The following RPSA2 variants were observed in gnomAD, a reference collection of about 807,000 sequenced individuals.
RPSA2 encodes the protein small ribosomal subunit protein uS2B.
the RPSA2 span, among the ~76,000 whole-genome samples, chr19:23,834,973 A>C: frequency 6.6e-6 from 1 of 152,110 alleles, no homozygotes; most frequent in Non-Finnish European, 1.5e-5. Context: ...CATATATGGC[A>C]TATTTTAATA....
the RPSA2 span, among the ~76,000 whole-genome samples, chr19:23,761,252 T>C: frequency 6.6e-6 from 1 of 151,960 alleles, no homozygotes; most frequent in East Asian, 1.9e-4. Context: ...GCCAATTTTC[T>C]AAATTTTTGT....
the RPSA2 span, among the ~76,000 whole-genome samples, chr19:23,785,818 C>G: frequency 1.3e-5 from 2 of 152,164 alleles, no homozygotes; most frequent in Non-Finnish European, 2.9e-5. Flanking sequence ...GAGGTGCTGT[C>G]TTTTATAGCT....
At chr19:23,861,469 G>A in the RPSA2 span, among the ~76,000 whole-genome samples, 1 of 152,062 alleles carries the variant, frequency 6.6e-6, no homozygotes, top group Admixed American at 6.6e-5. Context: ...CTCCCCCCAT[G>A]TGAAAGACCA....
the RPSA2 span, among the ~76,000 whole-genome samples, chr19:23,768,642 C>T: frequency 6.0e-3 from 825 of 136,600 alleles, 11 homozygotes; most frequent in Non-Finnish European, 9.5e-3. Flanking sequence ...GGCTGGAGTG[C>T]AGTGGTACAA....
chr19:23,774,623 T>A, the RPSA2 span, among the ~76,000 whole-genome samples: 5 of 152,154 alleles, frequency 3.3e-5, no homozygotes, highest in Non-Finnish European at 7.3e-5. Context: ...CATCAACTAT[T>A]TGATGTGACT....
chr19:23,824,576 A>ATTTTTTTTT, the RPSA2 span, among the ~76,000 whole-genome samples: 1 of 21,826 alleles, frequency 4.6e-5, no homozygotes, highest in African/African-American at 1.8e-4. Flanking sequence ...TCATTATAGC[A>ATTTTTTTTT]TTTCTTTTTT....
At chr19:23,853,029 A>C in the RPSA2 span, among the ~76,000 whole-genome samples, 70,621 of 152,192 alleles carry the variant, frequency 0.46, 16,643 homozygotes, top group Middle Eastern at 0.56. Context: ...TGAAGAATAT[A>C]GGCCTGGGGA....
chr19:23,766,143 C>CTT, the RPSA2 span, among the ~76,000 whole-genome samples: 40 of 29,374 alleles, frequency 1.4e-3, no homozygotes, highest in African/African-American at 4.0e-3. Flanking sequence ...ATTTCATTTC[C>CTT]TTTTTTTTTT....
the RPSA2 span, among the ~76,000 whole-genome samples, chr19:23,862,160 G>A: frequency 7.2e-5 from 11 of 152,196 alleles, no homozygotes; most frequent in Non-Finnish European, 1.0e-4. Flanking sequence ...GAGTTCACTC[G>A]TGATTTGGCT....
the RPSA2 span, among the ~76,000 whole-genome samples, chr19:23,778,369 C>T: frequency 0.029 from 4,426 of 152,218 alleles, 75 homozygotes; most frequent in Middle Eastern, 0.044. Context: ...TGCACCACCA[C>T]GCCCAGCTAA....
chr19:23,843,774 T>C, the RPSA2 span, among the ~76,000 whole-genome samples: 1,194 of 152,312 alleles, frequency 7.8e-3, 15 homozygotes, highest in African/African-American at 0.026. Context: ...TTTTCTTTTT[T>C]TTGAGATGAA....
chr19:23,869,435 A>G, the RPSA2 span, among the ~76,000 whole-genome samples: 1 of 152,100 alleles, frequency 6.6e-6, no homozygotes, highest in African/African-American at 2.4e-5. Flanking sequence ...TGTGCTGACT[A>G]TATGGAATGG....
the RPSA2 span, chr19:23,833,002 C>A: frequency 2.8e-6 from 4 of 1,430,100 alleles, no homozygotes; most frequent in Non-Finnish European, 3.7e-6. Context: ...AGCCTTTAGG[C>A]AGTCTTCAAT....
chr19:23,835,990 T>C, the RPSA2 span, among the ~76,000 whole-genome samples: 2 of 152,100 alleles, frequency 1.3e-5, no homozygotes, highest in East Asian at 3.9e-4. Context: ...TATAAGAATA[T>C]ATATTTTTTT....
At chr19:23,814,216 TAA>T in the RPSA2 span, among the ~76,000 whole-genome samples, 2 of 143,670 alleles carry the variant, frequency 1.4e-5, no homozygotes, top group African/African-American at 5.1e-5. Context: ...CATTTCAAAA[TAA>T]AAAAAAAAAA....
At chr19:23,845,014 T>G in the RPSA2 span, among the ~76,000 whole-genome samples, 1 of 146,954 alleles carries the variant, frequency 6.8e-6, no homozygotes, top group African/African-American at 2.5e-5. Context: ...TTCCATGAAT[T>G]TATTCATTCT....
At chr19:23,864,791 A>G in the RPSA2 span, among the ~76,000 whole-genome samples, 1 of 152,202 alleles carries the variant, frequency 6.6e-6, no homozygotes, top group Non-Finnish European at 1.5e-5. Flanking sequence ...AGAGTAAATT[A>G]AGATTTAAAT....
the RPSA2 span, among the ~76,000 whole-genome samples, chr19:23,780,738 C>T: frequency 6.6e-6 from 1 of 152,208 alleles, no homozygotes; most frequent in South Asian, 2.1e-4. Flanking sequence ...GGGTCCAGAG[C>T]AGCACAACGT....
At chr19:23,849,656 A>G in the RPSA2 span, among the ~76,000 whole-genome samples, 2 of 152,150 alleles carry the variant, frequency 1.3e-5, no homozygotes, top group Non-Finnish European at 2.9e-5. Context: ...TCCAAAGTAG[A>G]ATGATGATCC....
Sources: gnomAD v4.1 joint callset for allele counts (sites outside exome capture counted in the v4.1 genomes callset) on GRCh38, gnomAD v4.1.1 for gene constraint, MANE v1.5 for transcripts, NCBI Gene and HGNC (gene_info 2026-07-23, HGNC 2026-07-21) for gene names.